CNTROB: variants seen among roughly 807,000 people sequenced by gnomAD.
CNTROB encodes the protein centrobin, centriole duplication and spindle assembly protein.
Under a neutral mutation model 115.7 loss-of-function variants are expected in CNTROB, and 82 were observed. The observed-to-expected ratio is 0.71, with a 90% CI of 0.59 to 0.85. CNTROB has a LOEUF of 0.85. Among genes scored for constraint, CNTROB ranks in the 40% least tolerant of loss-of-function variants. The probability of loss-of-function intolerance (pLI) is 0.00; values close to 1 mark genes in which losing one functional copy is unlikely to be tolerated. For missense variants in CNTROB, 1,014 were observed against 1,144.4 expected (o/e 0.89, Z 1.64); for synonymous variants, 439 against 456.4 (o/e 0.96, Z 0.49).
rs772530631 is a variant in CNTROB, at chr17:7,943,471, G to T, written c.1392G>T (p.Ala464=). ...QLEQRVTERL[A]QAQESSLRQA... is the part of the protein sequence containing the mutation. ...AGCAGCGGGTGACAGAGCGGCTGGC[G>T]CAGGCTCAGGAGAGCAGCCTACGGC... Residue 464 remains alanine, a synonymous_variant, in exon 10 of 19, where the codon GCG becomes GCT. Transcript: ENST00000563694. This position sits in a 1 kb window ranked among gnomAD's most constrained non-coding sequence, Gnocchi z 4.7. The T allele has an allele frequency of 6.2e-7, 1 of 1,613,428 alleles. No individual in the cohort carries two copies. The highest frequency in any genetic ancestry group is 8.5e-7 in the Non-Finnish European group (1 of 1,179,746).
intron 7 of CNTROB, 71 bp downstream of exon 7, chr17:7,937,333 T>G: frequency 6.3e-7 from 1 of 1,579,090 alleles, no homozygotes; most frequent in Non-Finnish European, 8.7e-7. Flanking sequence ...GGGCTATTGG[T>G]GGATTGTGGG....
chr17:7,946,823 T>G (rs906834597), intron 13 of CNTROB, among the ~76,000 whole-genome samples: 1 of 150,998 alleles, frequency 6.6e-6, no homozygotes, highest in Non-Finnish European at 1.5e-5. Flanking sequence ...AGCTAAGAAG[T>G]TGCCATTGTA....
rs539147639 is a variant in CNTROB, at chr17:7,949,468, T to C, written c.2670T>C (p.Pro890=). Residue 890 remains proline (P), a synonymous_variant, in exon 19 of 19, where the codon CCT becomes CCC. Coordinates refer to ENST00000563694, the MANE Select transcript of CNTROB (RefSeq NM_053051.5). ...CCGCACGGAAGAAAAGTGGGCACCCTGCCCCGAGTAGCATGAGGAGCCGGG... is the reference window on the plus strand; with the variant it reads ...CCGCACGGAAGAAAAGTGGGCACCCCGCCCCGAGTAGCATGAGGAGCCGGG... ...KPPARKKSGH[P]APSSMRSRGG... is the part of the protein sequence containing the mutation. The C allele has an allele frequency of 8.7e-6, 14 of 1,614,142 alleles. No homozygotes were observed. The East Asian group carries it at 3.1e-4, about 36-fold the overall frequency.
At chr17:7,934,360 G>A (rs1972892772) in intron 2 of CNTROB, 105 bp from the exon 3 acceptor site, 1 of 1,322,236 alleles carries the variant, frequency 7.6e-7, no homozygotes, top group African/African-American at 1.4e-5. Flanking sequence ...TGGGAGAGGG[G>A]GTGAAGGAGT....
At chr17:7,937,143 G>A (rs774134385) in intron 6 of CNTROB, 21 bp from the exon 7 acceptor site, 3 of 1,613,722 alleles carry the variant, frequency 1.9e-6, no homozygotes, top group South Asian at 1.1e-5. Context: ...CCTCTGCCCT[G>A]TATTCCTCTC....
chr17:7,945,442 A>C (rs943968332), intron 12 of CNTROB: 11 of 306,068 alleles, frequency 3.6e-5, no homozygotes, highest in African/African-American at 8.7e-5. Context: ...TCTGTTGCCC[A>C]GAGCGCTCAA....
chr17:7,933,400 C>T, intron 1 of CNTROB, 51 bp downstream of exon 1: 1 of 1,535,572 alleles, frequency 6.5e-7, no homozygotes, highest in Non-Finnish European at 8.8e-7. Context: ...ACCAGAGAGT[C>T]TTGGGATTGG....
chr17:7,947,464 C>G, intron 13 of CNTROB, 107 bp from the exon 14 acceptor site: 1 of 1,087,608 alleles, frequency 9.2e-7, no homozygotes, highest in Non-Finnish European at 1.3e-6. Flanking sequence ...TGTTCCTCTT[C>G]CATTTAATAG....
rs796605627 is a variant in CNTROB, at chr17:7,947,160, CAA to C, written c.1994-395_1994-394del. Among the ~76,000 whole-genome samples the C allele has an allele frequency of 1.5e-4, 9 of 58,492 alleles. 1 individual carries two copies. Among genetic ancestry groups the C allele is most frequent in the East Asian group, 1.6e-3 (2 of 1,234 alleles). The allele number at this position is 58,492 out of a possible 152,430, so 38.4% of individuals were successfully genotyped here. On this transcript the variant is annotated intron_variant, in intron 13 of 18. Transcript: ENST00000563694. ...TGGGCGACAGAGCGAGACTCCATCT[CAA>C]AAAAAAAAAAAAAAAGAGAGATTAG...
At chr17:7,933,879 G>A (rs1166287150) in intron 1 of CNTROB, among the ~76,000 whole-genome samples, 3 of 152,212 alleles carry the variant, frequency 2.0e-5, no homozygotes. Flanking sequence ...ATAGCCATAA[G>A]CCATACAGTC....
intron 9 of CNTROB, among the ~76,000 whole-genome samples, chr17:7,941,834 G>A (rs1973912667): frequency 6.6e-6 from 1 of 151,784 alleles, no homozygotes; most frequent in Non-Finnish European, 1.5e-5. Flanking sequence ...ATAGTGGCAT[G>A]CACCTGTAGT....
In CNTROB at chr17:7,945,973, C is replaced by G; in HGVS notation, c.1980C>G (p.Leu660=). 1 of 1,614,102 alleles carries G rather than the reference C, an allele frequency of 6.2e-7. No individual in the cohort carries two copies. Among genetic ancestry groups the G allele is most frequent in the Non-Finnish European group, 8.5e-7 (1 of 1,179,936 alleles). The change falls in exon 13 of 19, where the codon CTC becomes CTG. Residue 660 remains leucine, a synonymous_variant. Coordinates refer to ENST00000563694, the MANE Select transcript of CNTROB (RefSeq NM_053051.5). The part of the protein sequence containing the change: ...SFQPLEPKPD[L]TSSTAGAFSA... ...AGCCCCTGGAGCCCAAACCAGACCTCACTTCATCCACAGGTAACTGGGGGC... is the reference window on the plus strand; with the variant it reads ...AGCCCCTGGAGCCCAAACCAGACCTGACTTCATCCACAGGTAACTGGGGGC...
At position 7,944,190 on chromosome 17, in the gene CNTROB, G is replaced by A; in HGVS notation, c.1513G>A (p.Val505Met). 6.2e-7 allele frequency: 1 copy of A among 1,613,452 alleles called. No homozygotes were observed. Among genetic ancestry groups the A allele is most frequent in the Non-Finnish European group, 8.5e-7 (1 of 1,179,352 alleles). Residue 505 changes from valine (V) to methionine (M), a missense_variant, in exon 11 of 19, where the codon GTG (valine) becomes ATG (methionine). Coordinates refer to ENST00000563694, the MANE Select transcript of CNTROB (RefSeq NM_053051.5). The surrounding 1 kb of genome is among the most constrained non-coding windows in gnomAD (Gnocchi z 4.0). ...ELASQLAQFK[V>M]EMAEREERQQ... Reference sequence around the variant, plus strand: ...GGCCAGTCAGCTAGCTCAGTTCAAGGTGGAAATGGCAGAACGAGAGGAACG... The same window carrying A: ...GGCCAGTCAGCTAGCTCAGTTCAAGATGGAAATGGCAGAACGAGAGGAACG...
In CNTROB at chr17:7,940,147, G is replaced by T; in HGVS notation, c.1216G>T (p.Ala406Ser). 1 of 1,611,588 alleles carries T rather than the reference G, an allele frequency of 6.2e-7. No homozygotes were observed. Among genetic ancestry groups the T allele is most frequent in the Non-Finnish European group, 8.5e-7 (1 of 1,179,824 alleles). Residue 406 changes from alanine (A) to serine (S), a missense_variant, in exon 9 of 19, where the codon GCA becomes TCA. Ala to Ser is a moderately conservative substitution (Grantham distance 99). Coordinates refer to ENST00000563694, the MANE Select transcript of CNTROB (RefSeq NM_053051.5). ...CGCCTGGGAGACCCAGCACCAGTTGGCATTGGTGCAGTCTGAGGTGCGGCG... is the reference window on the plus strand; with the variant it reads ...CGCCTGGGAGACCCAGCACCAGTTGTCATTGGTGCAGTCTGAGGTGCGGCG... Reference protein sequence around the residue: ...QAAWETQHQLALVQSEVRRLE... With the variant: ...QAAWETQHQLSLVQSEVRRLE...
At chr17:7,942,787 A>ATTTTTTTTTTTTTTT (rs71159534) in intron 9 of CNTROB, among the ~76,000 whole-genome samples, 1 of 35,790 alleles carries the variant, frequency 2.8e-5, no homozygotes, top group Non-Finnish European at 5.0e-5. Flanking sequence ...TACTCAGGGT[A>ATTTTTTTTTTTTTTT]TTTTTTTTTT....
chr17:7,947,765 T>A, intron 14 of CNTROB, 43 bp downstream of exon 14: 1 of 1,600,588 alleles, frequency 6.2e-7, no homozygotes, highest in Non-Finnish European at 8.5e-7. Context: ...TCTTCTTCCC[T>A]TTCTCCTTTC....
At position 7,948,287 on chromosome 17, in the gene CNTROB, T is replaced by A; in HGVS notation, c.2340T>A (p.His780Gln). 1 of 1,614,104 alleles carries A rather than the reference T, an allele frequency of 6.2e-7. No individual in the cohort carries two copies. ...LFRVPEPPSS[H>Q]SQGSGPSSGS... ...GGGTCCCTGAGCCTCCCTCCTCCCA[T>A]TCACAAGGCAGTGGTCCCAGCAGTG... Residue 780 changes from histidine to glutamine, a missense_variant, in exon 16 of 19, where the codon CAT becomes CAA. Physicochemically the swap from His to Gln is conservative, Grantham distance 24. Coordinates refer to ENST00000563694, the MANE Select transcript of CNTROB (RefSeq NM_053051.5). This position sits in a 1 kb window ranked among gnomAD's most constrained non-coding sequence, Gnocchi z 4.4.
In CNTROB at chr17:7,935,897, A is replaced by T. The variant is rs138589966; in HGVS notation, c.595-469A>T. 1,433 of 168,754 alleles carry T rather than the reference A, an allele frequency of 8.5e-3. 19 individuals carry two copies. Among genetic ancestry groups the T allele is most frequent in the Middle Eastern group, 0.022 (7 of 320 alleles). 10.5% of individuals were successfully genotyped at this position (168,754 alleles called of 1,614,324 possible). On this transcript the variant is annotated intron_variant, in intron 4 of 18. Coordinates refer to ENST00000563694, the MANE Select transcript of CNTROB (RefSeq NM_053051.5). ...GTGTCTGAAGGGGACAGAGAAATAG[A>T]CAAAGGAGAGGAAAAGTCAAAATCA...
rs762300982 is a variant in CNTROB at position 7,944,643 on chromosome 17, G to A, written c.1734+5G>A. The A allele has an allele frequency of 1.3e-5, 21 of 1,597,060 alleles. No individual in the cohort carries two copies. The highest frequency in any genetic ancestry group is 5.3e-5 in the Admixed American group (3 of 56,768). On this transcript the variant is annotated splice_donor_5th_base_variant and intron_variant, in intron 12 of 18. Transcript: ENST00000563694. This position sits in a 1 kb window ranked among gnomAD's most constrained non-coding sequence, Gnocchi z 4.0. ...CTCCCGCCGCCCAACCCTCCAGTAC[G>A]CCTTACCCCTTGAGCTAAGCTTCTC...
Sources: allele counts gnomAD v4.1 joint callset (sites outside exome capture counted in the v4.1 genomes callset), GRCh38; gene constraint gnomAD v4.1.1; non-coding constraint Gnocchi (gnomAD v3.1); transcripts MANE v1.5; gene names NCBI Gene and HGNC (gene_info 2026-07-23, HGNC 2026-07-21).